The following HIVEP3 variants were observed in gnomAD, a reference collection of about 807,000 sequenced individuals.
HIVEP3 encodes the protein transcription factor HIVEP3.
Under a neutral mutation model 152.8 loss-of-function variants are expected in HIVEP3, and 49 were observed. The ratio of observed to expected loss-of-function variants is 0.32; its 90% CI spans 0.26 to 0.41. The LOEUF is 0.41. Among genes scored for constraint, HIVEP3 ranks in the 10% least tolerant of loss-of-function variants. The probability of loss-of-function intolerance (pLI) is 1.00; values close to 1 mark genes in which losing one functional copy is unlikely to be tolerated. For synonymous variants in HIVEP3, 1,269 were observed against 1,289.0 expected, an observed-to-expected ratio of 0.98 and a Z score of 0.33; for missense variants, 2,790 against 3,103.3, an observed-to-expected ratio of 0.90 and a Z score of 2.40.
chr1:41,941,319 T>G (rs1220983295), intron 1 of HIVEP3, among the ~76,000 whole-genome samples: 1 of 152,144 alleles, frequency 6.6e-6, no homozygotes, highest in African/African-American at 2.4e-5. Flanking sequence ...GCGGGAGCCA[T>G]TGATGGCACT....
At chr1:41,521,839 CCT>C (rs1328240314) in intron 6 of HIVEP3, among the ~76,000 whole-genome samples, 1 of 152,266 alleles carries the variant, frequency 6.6e-6, no homozygotes, top group Non-Finnish European at 1.5e-5. Context: ...ATCTCTGTCC[CCT>C]GAGGCGATCG....
In HIVEP3 at chr1:42,006,004, TC is replaced by T. The variant is rs538366301; in HGVS notation, n.119+29802del. Among the ~76,000 whole-genome samples the T allele has an allele frequency of 2.4e-3, 364 of 152,226 alleles. 1 individual carries two copies. The highest frequency in any genetic ancestry group is 8.3e-3 in the African/African-American group (344 of 41,536). On this transcript the variant is annotated intron_variant and non_coding_transcript_variant, in intron 1 of 3. Coordinates refer to the HIVEP3 transcript ENST00000489103. Reference sequence around the variant, plus strand: ...GGGAATTTCCAGTTCCAGATATTTTTCTATAAAACAGTTCTACACAGATAGC... The same window carrying T: ...GGGAATTTCCAGTTCCAGATATTTTTTATAAAACAGTTCTACACAGATAGC...
chr1:42,026,023 T>C (rs1370816039), intron 1 of HIVEP3, among the ~76,000 whole-genome samples: 1 of 151,832 alleles, frequency 6.6e-6, no homozygotes, highest in Non-Finnish European at 1.5e-5. Flanking sequence ...TGAGCCGTGA[T>C]CGTGGCATTG....
At chr1:41,761,113 C>G (rs553716196) in intron 1 of HIVEP3, among the ~76,000 whole-genome samples, 1 of 152,358 alleles carries the variant, frequency 6.6e-6, no homozygotes, top group East Asian at 1.9e-4. Context: ...TTGGAAGGAA[C>G]ATTGCTGGTG....
At chr1:41,973,004 T>C (rs1173303387) in intron 1 of HIVEP3, among the ~76,000 whole-genome samples, 3 of 151,620 alleles carry the variant, frequency 2.0e-5, no homozygotes, top group South Asian at 2.1e-4. Flanking sequence ...GCAAAGAAGA[T>C]AGAAGAAGGT....
At chr1:41,974,027 A>T (rs1224378249) in intron 1 of HIVEP3, among the ~76,000 whole-genome samples, 2 of 152,176 alleles carry the variant, frequency 1.3e-5, no homozygotes, top group East Asian at 3.8e-4. Flanking sequence ...GTCTTCAAAG[A>T]AATGGGGCAG....
chr1:41,629,520 G>A (rs182704533), intron 2 of HIVEP3, among the ~76,000 whole-genome samples: 1 of 152,286 alleles, frequency 6.6e-6, no homozygotes, highest in East Asian at 1.9e-4. Context: ...TCTACAAACT[G>A]TGCATCCAAC....
intron 2 of HIVEP3, among the ~76,000 whole-genome samples, chr1:41,687,891 T>G (rs987337994): frequency 1.3e-5 from 2 of 152,268 alleles, no homozygotes; most frequent in Admixed American, 1.3e-4. Context: ...CATTTTCTTA[T>G]CATTTTAGGG....
chr1:41,973,767 G>A (rs1388035896), intron 1 of HIVEP3, among the ~76,000 whole-genome samples: 1 of 152,262 alleles, frequency 6.6e-6, no homozygotes, highest in Non-Finnish European at 1.5e-5. Flanking sequence ...ATAGGAGCCA[G>A]TGGCAAGGGC....
intron 1 of HIVEP3, among the ~76,000 whole-genome samples, chr1:41,730,437 T>C (rs1456115746): frequency 6.6e-6 from 1 of 152,148 alleles, no homozygotes; most frequent in Non-Finnish European, 1.5e-5. Context: ...GCACCAGTGC[T>C]CCTAGCCCCA....
At chr1:42,010,145 T>C (rs368926383) in intron 1 of HIVEP3, among the ~76,000 whole-genome samples, 20 of 152,284 alleles carry the variant, frequency 1.3e-4, no homozygotes, top group African/African-American at 2.9e-4. Context: ...TCCTCCTACA[T>C]TGGTCTCCCA....
At chr1:41,993,728 T>C (rs1167178553) in intron 1 of HIVEP3, among the ~76,000 whole-genome samples, 1 of 150,642 alleles carries the variant, frequency 6.6e-6, no homozygotes, top group Non-Finnish European at 1.5e-5. Context: ...CTATTCACAA[T>C]AGCAAAGACT....
intron 1 of HIVEP3, among the ~76,000 whole-genome samples, chr1:41,967,726 C>CA (rs967244555): frequency 1.4e-3 from 219 of 151,194 alleles, no homozygotes; most frequent in African/African-American, 3.8e-3. Context: ...TAGAGACACA[C>CA]AAAAAAAACC....
intron 1 of HIVEP3, among the ~76,000 whole-genome samples, chr1:41,862,865 C>T (rs917418553): frequency 1.2e-4 from 19 of 152,206 alleles, no homozygotes; most frequent in Non-Finnish European, 2.5e-4. Flanking sequence ...TCTCACTTGG[C>T]AGATATAGAC....
chr1:41,665,151 C>T (rs1645775191), intron 2 of HIVEP3, among the ~76,000 whole-genome samples: 1 of 152,178 alleles, frequency 6.6e-6, no homozygotes, highest in African/African-American at 2.4e-5. Context: ...AGAAGGTCTT[C>T]AGGACTCCAG....
chr1:41,760,692 C>T lies in HIVEP3; in HGVS notation c.-800-59697G>A, dbSNP rs192037219. On this transcript the variant is annotated intron_variant, in intron 1 of 8. Coordinates refer to ENST00000372583, the MANE Select transcript of HIVEP3 (RefSeq NM_024503.5). ...CAGGGCCCTGGGGCTTGGGGGCCCT[C>T]TCCACAACTAAGCCAGGAGCATGCC... Among the ~76,000 whole-genome samples the T allele has an allele frequency of 2.3e-3, 345 of 152,358 alleles. 2 individuals are homozygous for T. The highest frequency in any genetic ancestry group is 1.4e-3 in the Non-Finnish European group (96 of 68,038).
At chr1:41,763,093 T>A (rs1363144974) in intron 1 of HIVEP3, among the ~76,000 whole-genome samples, 1 of 152,184 alleles carries the variant, frequency 6.6e-6, no homozygotes, top group Non-Finnish European at 1.5e-5. Context: ...CATGGTCACC[T>A]TGGGCAAGTC....
intron 2 of HIVEP3, among the ~76,000 whole-genome samples, chr1:41,644,889 A>G (rs1367964193): frequency 6.6e-6 from 1 of 151,754 alleles, no homozygotes; most frequent in African/African-American, 2.4e-5. Context: ...AGCTGGCCTC[A>G]CCCAACAGGC....
intron 1 of HIVEP3, among the ~76,000 whole-genome samples, chr1:41,739,198 G>A (rs768865086): frequency 2.6e-5 from 4 of 152,236 alleles, no homozygotes; most frequent in Non-Finnish European, 5.9e-5. Flanking sequence ...GGGTTTCCGG[G>A]CAGCCTGGAG....
Sources: gnomAD v4.1 joint callset for allele counts (sites outside exome capture counted in the v4.1 genomes callset) on GRCh38, gnomAD v4.1.1 for gene constraint, MANE v1.5 for transcripts, NCBI Gene and HGNC (gene_info 2026-07-23, HGNC 2026-07-21) for gene names.